The following VPS8 variants were observed in gnomAD, a reference collection of about 807,000 sequenced individuals.
VPS8 encodes vacuolar protein sorting-associated protein 8 homolog.
VPS8 carries 129 observed loss-of-function variants against 216.4 expected under a neutral mutation model. That is an observed-to-expected ratio of 0.60 (90% confidence interval 0.52 to 0.69). VPS8 has a LOEUF of 0.69. Ranked by LOEUF, VPS8 falls within the 30% of genes least tolerant of loss-of-function variation. VPS8 has a pLI of 0.00. For synonymous variants in VPS8, 571 were observed against 565.4 expected (o/e 1.01, Z -0.14); for missense variants, 1,531 against 1,683.5 (o/e 0.91, Z 1.59).
chr3:185,048,411 G>T (rs544361652), intron 46 of VPS8, 68 bp from the exon 47 acceptor site: 18 of 1,459,238 alleles, frequency 1.2e-5, no homozygotes, highest in Non-Finnish European at 1.7e-5. Context: ...CTTCAGCATC[G>T]TGTAGAGCAA....
At chr3:184,989,776 AGAAGT>A (rs1403913415) in intron 42 of VPS8, among the ~76,000 whole-genome samples, 1 of 152,102 alleles carries the variant, frequency 6.6e-6, no homozygotes, top group Non-Finnish European at 1.5e-5. Flanking sequence ...GAATGAGTTA[AGAAGT>A]GTTCCCTCAG....
At chr3:184,889,503 G>A (rs11917847) in intron 22 of VPS8, among the ~76,000 whole-genome samples, 242 of 152,186 alleles carry the variant, frequency 1.6e-3, no homozygotes, top group African/African-American at 5.2e-3. Flanking sequence ...TACAAAGAGC[G>A]TATGGATGGC....
chr3:184,992,450 A>C (rs1752025727), intron 42 of VPS8, among the ~76,000 whole-genome samples: 1 of 152,112 alleles, frequency 6.6e-6, no homozygotes, highest in Non-Finnish European at 1.5e-5. Flanking sequence ...TGTTTATTAA[A>C]AGCGTGATTT....
At chr3:185,004,688 C>T (rs1753989673) in intron 45 of VPS8, among the ~76,000 whole-genome samples, 1 of 151,966 alleles carries the variant, frequency 6.6e-6, no homozygotes, top group East Asian at 1.9e-4. Flanking sequence ...CTATTTGCAT[C>T]CTTTGCCCAC....
At chr3:184,831,943 A>T (rs1193614928) in intron 3 of VPS8, among the ~76,000 whole-genome samples, 1 of 152,172 alleles carries the variant, frequency 6.6e-6, no homozygotes, top group East Asian at 1.9e-4. Flanking sequence ...ACTTCTTAAA[A>T]ATGTCAGTTG....
intron 10 of VPS8, among the ~76,000 whole-genome samples, chr3:184,851,236 G>A (rs1724186299): frequency 6.6e-6 from 1 of 152,194 alleles, no homozygotes. Flanking sequence ...AGAGAAGAAT[G>A]CAGTTGAGAT....
At chr3:184,870,876 A>C (rs1728215293) in intron 21 of VPS8, 71 bp downstream of exon 21, 2 of 1,312,740 alleles carry the variant, frequency 1.5e-6, no homozygotes, top group South Asian at 2.7e-5. Context: ...ATGTTACTTG[A>C]GAATGTGACT....
intron 35 of VPS8, among the ~76,000 whole-genome samples, chr3:184,937,789 A>T (rs559392102): frequency 6.6e-6 from 1 of 152,362 alleles, no homozygotes; most frequent in East Asian, 1.9e-4. Flanking sequence ...TGTGTGAAGC[A>T]TGACGTCAGC....
At chr3:184,985,108 C>T (rs560675468) in intron 42 of VPS8, among the ~76,000 whole-genome samples, 5 of 152,046 alleles carry the variant, frequency 3.3e-5, no homozygotes, top group African/African-American at 4.8e-5. Flanking sequence ...AATTATGCTA[C>T]CTTATATATG....
chr3:184,957,794 A>T (rs760835970), intron 37 of VPS8, among the ~76,000 whole-genome samples: 1 of 152,182 alleles, frequency 6.6e-6, no homozygotes, highest in Non-Finnish European at 1.5e-5. Flanking sequence ...ACTGTATTTT[A>T]ACAAAGAGCC....
intron 46 of VPS8, among the ~76,000 whole-genome samples, chr3:185,031,062 C>CTTTTTTTTTTTTTTTTTTTT: frequency 1.3e-5 from 1 of 75,258 alleles, no homozygotes; most frequent in African/African-American, 7.4e-5. Context: ...TACAGGTTGG[C>CTTTTTTTTTTTTTTTTTTTT]GTTTTTTTTT....
At chr3:185,036,356 A>G (rs1423357671) in intron 46 of VPS8, among the ~76,000 whole-genome samples, 1 of 152,214 alleles carries the variant, frequency 6.6e-6, no homozygotes, top group Non-Finnish European at 1.5e-5. Flanking sequence ...CCTGACTTCA[A>G]ACTATACTAT....
chr3:184,878,377 G>A (rs564649526), intron 21 of VPS8, among the ~76,000 whole-genome samples: 37 of 152,222 alleles, frequency 2.4e-4, no homozygotes, highest in Middle Eastern at 3.4e-3. Flanking sequence ...CTAAAGTGCC[G>A]GGATTACAGG....
chr3:185,026,550 C>T (rs1757383080), intron 46 of VPS8, among the ~76,000 whole-genome samples: 1 of 149,186 alleles, frequency 6.7e-6, no homozygotes, highest in Non-Finnish European at 1.5e-5. Flanking sequence ...TAGCTGGGAT[C>T]ACAGGGACGC....
intron 45 of VPS8, among the ~76,000 whole-genome samples, chr3:185,023,886 CT>C (rs1254128842): frequency 3.3e-5 from 5 of 152,068 alleles, no homozygotes; most frequent in Non-Finnish European, 7.4e-5. Context: ...ACTAAACATC[CT>C]CTTATTATGG....
chr3:184,899,023 C>CTA (rs1438097042), intron 24 of VPS8, among the ~76,000 whole-genome samples: 19 of 152,070 alleles, frequency 1.2e-4, no homozygotes, highest in Non-Finnish European at 7.4e-5. Context: ...AATCAATGTA[C>CTA]TATTGAGTAA....
intron 45 of VPS8, among the ~76,000 whole-genome samples, chr3:185,003,808 G>A (rs1482170180): frequency 5.3e-5 from 8 of 151,722 alleles, no homozygotes; most frequent in Non-Finnish European, 8.8e-5. Flanking sequence ...CAGACGGGGC[G>A]GCTGCCGGGC....
intron 1 of VPS8, among the ~76,000 whole-genome samples, chr3:184,822,572 A>G (rs977733884): frequency 6.6e-6 from 1 of 152,234 alleles, no homozygotes; most frequent in African/African-American, 2.4e-5. Context: ...CTTTCCCACT[A>G]TTTTTGAAAA....
At chr3:184,968,151 G>A (rs140018664) in intron 39 of VPS8, among the ~76,000 whole-genome samples, 40 of 152,142 alleles carry the variant, frequency 2.6e-4, no homozygotes, top group African/African-American at 7.5e-4. Flanking sequence ...AGTGTTTGTC[G>A]TTTTGTGACT....
Sources: allele counts gnomAD v4.1 joint callset (sites outside exome capture counted in the v4.1 genomes callset), GRCh38; gene constraint gnomAD v4.1.1; transcripts MANE v1.5; gene names NCBI Gene and HGNC (gene_info 2026-07-23, HGNC 2026-07-21).